Variants in MCC observed in about 807,000 individuals in gnomAD.
MCC encodes the protein colorectal mutant cancer protein.
Under a neutral mutation model 116.2 loss-of-function variants are expected in MCC, and 90 were observed. The observed-to-expected ratio is 0.77, with a 90% CI of 0.65 to 0.92. The LOEUF (loss-of-function observed/expected upper bound fraction) is 0.92, where lower values mean the gene tolerates loss of function less well. Among genes scored for constraint, MCC ranks in the 40% least tolerant of loss-of-function variants. MCC has a pLI of 0.00. For synonymous variants in MCC, 578 were observed against 510.5 expected (o/e 1.13, Z -1.78); for missense variants, 1,516 against 1,312.2 (o/e 1.16, Z -2.40).
intron 3 of MCC, among the ~76,000 whole-genome samples, chr5:113,163,750 T>C (rs1441861654): frequency 6.6e-6 from 1 of 152,164 alleles, no homozygotes; most frequent in African/African-American, 2.4e-5. Context: ...CCACCACCAC[T>C]ATGAGATGAT....
chr5:113,377,654 C>A (rs1318646245), intron 2 of MCC, among the ~76,000 whole-genome samples: 1 of 152,124 alleles, frequency 6.6e-6, no homozygotes, highest in Non-Finnish European at 1.5e-5. Flanking sequence ...GAATTAGGGA[C>A]TCCTCAAGGA....
intron 6 of MCC, among the ~76,000 whole-genome samples, chr5:113,122,281 TG>T (rs1757780001): frequency 2.0e-5 from 3 of 152,244 alleles, no homozygotes; most frequent in Non-Finnish European, 4.4e-5. Context: ...GGAGTCATTT[TG>T]GATTCCTCCT....
At chr5:113,347,384 GTTTT>G (rs141871825) in intron 2 of MCC, among the ~76,000 whole-genome samples, 1 of 151,718 alleles carries the variant, frequency 6.6e-6, no homozygotes, top group African/African-American at 2.4e-5. Context: ...TTCTTTTCGT[GTTTT>G]TTTGTTTGTT....
At chr5:113,141,863 G>A (rs1271762589) in intron 5 of MCC, among the ~76,000 whole-genome samples, 1 of 152,058 alleles carries the variant, frequency 6.6e-6, no homozygotes, top group African/African-American at 2.4e-5. Flanking sequence ...ACAACTTACT[G>A]AGCCCATTTG....
chr5:113,074,937 C>A (rs1264630472), intron 11 of MCC, among the ~76,000 whole-genome samples: 2 of 152,234 alleles, frequency 1.3e-5, no homozygotes, highest in Non-Finnish European at 2.9e-5. Flanking sequence ...CCTCGTCGGC[C>A]TCGGTGTCTG....
chr5:113,172,107 G>C (rs963647569), intron 3 of MCC, among the ~76,000 whole-genome samples: 1 of 152,182 alleles, frequency 6.6e-6, no homozygotes, highest in African/African-American at 2.4e-5. Flanking sequence ...CAGTGGAAGA[G>C]AAAAGAGACA....
At chr5:113,398,562 G>A (rs1258413884) in intron 1 of MCC, among the ~76,000 whole-genome samples, 1 of 152,204 alleles carries the variant, frequency 6.6e-6, no homozygotes, top group African/African-American at 2.4e-5. Context: ...ATTAACCCAA[G>A]TGAATTAACA....
At chr5:113,145,769 CA>C (rs1759469357) in intron 4 of MCC, among the ~76,000 whole-genome samples, 996 of 51,290 alleles carry the variant, frequency 0.019, 21 homozygotes, top group African/African-American at 0.08. Flanking sequence ...CACACACACA[CA>C]CACACACACA....
At chr5:113,223,334 T>C (rs1763619273) in intron 3 of MCC, among the ~76,000 whole-genome samples, 1 of 152,204 alleles carries the variant, frequency 6.6e-6, no homozygotes, top group Non-Finnish European at 1.5e-5. Context: ...GGTTTTTGCC[T>C]TCTCTTAAGA....
chr5:113,162,874 G>C (rs569781419), intron 3 of MCC, among the ~76,000 whole-genome samples: 1 of 152,146 alleles, frequency 6.6e-6, no homozygotes, highest in Admixed American at 6.5e-5. Flanking sequence ...ATAAAATCAG[G>C]CTTTGAAAAC....
chr5:113,071,331 G>T (rs1754026186), intron 11 of MCC, 97 bp from the exon 12 acceptor site: 2 of 1,311,960 alleles, frequency 1.5e-6, no homozygotes, highest in Non-Finnish European at 2.1e-6. Flanking sequence ...AAGCATGTGA[G>T]GATGTGGGCC....
At chr5:113,354,785 T>TTAC (rs1330416980) in intron 2 of MCC, among the ~76,000 whole-genome samples, 1 of 140,088 alleles carries the variant, frequency 7.1e-6, no homozygotes, top group Non-Finnish European at 1.5e-5. Context: ...ATACCCTGTA[T>TTAC]TATTATTATT....
intron 6 of MCC, among the ~76,000 whole-genome samples, chr5:113,111,536 T>A (rs1757096796): frequency 2.0e-5 from 3 of 152,238 alleles, no homozygotes; most frequent in African/African-American, 4.8e-5. Flanking sequence ...TTATCTCCCT[T>A]ATTTTTATTA....
chr5:113,438,202 G>T (rs1277532333), intron 1 of MCC, among the ~76,000 whole-genome samples: 1 of 152,108 alleles, frequency 6.6e-6, no homozygotes, highest in African/African-American at 2.4e-5. Context: ...TTGGGTTGTG[G>T]GGGGAGTCTT....
At chr5:113,473,151 G>A (rs1262943317) in intron 1 of MCC, among the ~76,000 whole-genome samples, 2 of 152,110 alleles carry the variant, frequency 1.3e-5, no homozygotes, top group South Asian at 4.2e-4. Flanking sequence ...ACTAACCATA[G>A]AGGGATAGCT....
chr5:113,245,666 G>GGCTTCTCAGTTTCA (rs368799470), intron 3 of MCC, among the ~76,000 whole-genome samples: 1 of 152,212 alleles, frequency 6.6e-6, no homozygotes, highest in South Asian at 2.1e-4. Context: ...GAGAATATAA[G>GGCTTCTCAGTTTCA]GCTTCTCAGT....
chr5:113,368,663 T>C (rs1035715595), intron 2 of MCC, among the ~76,000 whole-genome samples: 2 of 151,940 alleles, frequency 1.3e-5, no homozygotes, highest in Non-Finnish European at 2.9e-5. Flanking sequence ...ACAAGCAACA[T>C]GGAAGATTTC....
chr5:113,150,457 C>G (rs1341695802), intron 4 of MCC, among the ~76,000 whole-genome samples: 1 of 151,916 alleles, frequency 6.6e-6, no homozygotes, highest in Non-Finnish European at 1.5e-5. Context: ...CAGATAATAG[C>G]CTACTATTTC....
rs184679883 is a variant in MCC, at chr5:113,377,773, G to C, written c.415+7195C>G. ...AGATAGTTGCTTCACAGCATTCTCA[G>C]TATGCAACAATAGAATGTAAAATGG... On this transcript the variant is annotated intron_variant, in intron 2 of 18. Transcript: ENST00000408903. Among the ~76,000 whole-genome samples, 445 of 152,280 alleles carry C rather than the reference G, an allele frequency of 2.9e-3. 1 individual carries two copies. Among genetic ancestry groups the C allele is most frequent in the African/African-American group, 0.01 (423 of 41,548 alleles).
Sources: gnomAD v4.1 joint callset for allele counts (sites outside exome capture counted in the v4.1 genomes callset) on GRCh38, gnomAD v4.1.1 for gene constraint, MANE v1.5 for transcripts, NCBI Gene and HGNC (gene_info 2026-07-23, HGNC 2026-07-21) for gene names.